The following HDAC9 variants were observed in gnomAD, a reference collection of about 807,000 sequenced individuals.
The protein encoded by HDAC9 is histone deacetylase 9.
HDAC9 carries 41 observed loss-of-function variants against 139.4 expected under a neutral mutation model. That is an observed-to-expected ratio of 0.29 (90% CI 0.23 to 0.38). The LOEUF (loss-of-function observed/expected upper bound fraction) is 0.38, where lower values mean the gene tolerates loss of function less well. Ranked by LOEUF, HDAC9 falls within the 10% of genes least tolerant of loss-of-function variation. HDAC9 has a pLI of 1.00. For synonymous variants in HDAC9, 517 were observed against 476.2 expected (o/e 1.09, Z -1.12); for missense variants, 1,147 against 1,297.0 (o/e 0.88, Z 1.78).
chr7:18,217,338 C>G (rs925968934), intron 2 of HDAC9, among the ~76,000 whole-genome samples: 2 of 151,894 alleles, frequency 1.3e-5, no homozygotes, highest in Non-Finnish European at 2.9e-5. Flanking sequence ...TTTTCCTTCT[C>G]CAAATACTTT....
intron 17 of HDAC9, among the ~76,000 whole-genome samples, chr7:18,812,878 C>T (rs1794287106): frequency 6.6e-6 from 1 of 151,752 alleles, no homozygotes; most frequent in South Asian, 2.1e-4. Context: ...TTTTTCTTGC[C>T]CTGTCTTTAA....
At chr7:18,756,768 G>T (rs936487842) in intron 14 of HDAC9, among the ~76,000 whole-genome samples, 3 of 152,144 alleles carry the variant, frequency 2.0e-5, no homozygotes. Flanking sequence ...AGAAGTCAAG[G>T]CTCCCAACTT....
intron 1 of HDAC9, among the ~76,000 whole-genome samples, chr7:18,105,056 C>G (rs1306630876): frequency 6.6e-6 from 1 of 150,884 alleles, no homozygotes; most frequent in African/African-American, 2.4e-5. Flanking sequence ...ATTTTTCTAT[C>G]TAGCCTCAAA....
At chr7:18,168,486 A>G (rs942251932) in intron 2 of HDAC9, among the ~76,000 whole-genome samples, 1 of 152,138 alleles carries the variant, frequency 6.6e-6, no homozygotes, top group African/African-American at 2.4e-5. Context: ...TGTTTATAAC[A>G]TTATGTGGAA....
chr7:18,671,237 C>G (rs940977052), intron 12 of HDAC9, among the ~76,000 whole-genome samples: 1 of 151,960 alleles, frequency 6.6e-6, no homozygotes, highest in African/African-American at 2.4e-5. Context: ...AAAATAGAGA[C>G]AGTTGTCACG....
intron 1 of HDAC9, among the ~76,000 whole-genome samples, chr7:18,431,959 C>T (rs1193665105): frequency 6.6e-6 from 1 of 152,180 alleles, no homozygotes; most frequent in Non-Finnish European, 1.5e-5. Flanking sequence ...CTTTTTACCT[C>T]TTCAAACGCA....
chr7:18,384,606 C>G (rs145861220), intron 1 of HDAC9, among the ~76,000 whole-genome samples: 23 of 152,058 alleles, frequency 1.5e-4, no homozygotes, highest in African/African-American at 5.1e-4. Flanking sequence ...TTTTAAACAT[C>G]AGTAAGTTGA....
intron 2 of HDAC9, among the ~76,000 whole-genome samples, chr7:18,217,465 AT>A (rs1792400570): frequency 6.6e-6 from 1 of 151,964 alleles, no homozygotes; most frequent in African/African-American, 2.4e-5. Context: ...TTTAAAAGGT[AT>A]TTGCATTGAA....
chr7:18,140,592 C>A (rs535655467), intron 1 of HDAC9, among the ~76,000 whole-genome samples: 8 of 152,130 alleles, frequency 5.3e-5, no homozygotes, highest in Non-Finnish European at 1.0e-4. Flanking sequence ...TGAATATTTT[C>A]TTTTTAGCTG....
chr7:18,265,478 C>G (rs1347176894), intron 2 of HDAC9, among the ~76,000 whole-genome samples: 1 of 152,088 alleles, frequency 6.6e-6, no homozygotes, highest in South Asian at 2.1e-4. Flanking sequence ...CTAGAAAACA[C>G]CAGAAATTAG....
chr7:18,619,474 A>T (rs556232042), intron 6 of HDAC9, among the ~76,000 whole-genome samples: 1 of 152,346 alleles, frequency 6.6e-6, no homozygotes, highest in Admixed American at 6.5e-5. Context: ...TCTGCTAAGC[A>T]TCAAGGGCTG....
At chr7:18,988,762 A>G (rs1012025903) in intron 25 of HDAC9, among the ~76,000 whole-genome samples, 16 of 151,644 alleles carry the variant, frequency 1.1e-4, no homozygotes, top group African/African-American at 3.2e-4. Flanking sequence ...TTGGGTGCAT[A>G]TATATTTAGG....
At chr7:18,735,137 GC>G (rs2129137510) in intron 13 of HDAC9, among the ~76,000 whole-genome samples, 1 of 152,250 alleles carries the variant, frequency 6.6e-6, no homozygotes, top group South Asian at 2.1e-4. Context: ...CTGCATAATA[GC>G]CCTTTGTCAG....
rs1332470906 is a variant in HDAC9 at position 18,290,492 on chromosome 7, AAG to A, written c.-62_-61del. 1.5e-5 allele frequency: 7 copies of A among 456,608 alleles called. 1 individual carries two copies. The highest frequency in any genetic ancestry group is 4.6e-5 in the South Asian group (3 of 64,566). 28.3% of individuals were successfully genotyped at this position (456,608 alleles called of 1,614,324 possible). A position where few individuals can be genotyped will look rare whatever the true frequency, so the allele number is the denominator to read the frequency against. On this transcript the variant is annotated 5_prime_UTR_variant, in exon 1 of 4. Coordinates refer to the HDAC9 transcript ENST00000413509. ...TGCGAAACCACAGCACACTTTGGCA[AAG>A]AGGGAATGCACAACAAAACGGGTAA...
chr7:18,670,986 C>T (rs937785991), intron 12 of HDAC9, among the ~76,000 whole-genome samples: 1 of 151,722 alleles, frequency 6.6e-6, no homozygotes, highest in Non-Finnish European at 1.5e-5. Context: ...TGACCATAGC[C>T]GGTCCTAGGA....
chr7:18,208,575 C>G (rs987789301), intron 2 of HDAC9, among the ~76,000 whole-genome samples: 5 of 152,208 alleles, frequency 3.3e-5, no homozygotes, highest in Admixed American at 1.3e-4. Flanking sequence ...TGGCTTTCGC[C>G]ATGTTGGCCA....
chr7:18,818,925 T>A (rs1794764429), intron 17 of HDAC9, among the ~76,000 whole-genome samples: 1 of 152,162 alleles, frequency 6.6e-6, no homozygotes, highest in Non-Finnish European at 1.5e-5. Flanking sequence ...TAATTTGCAC[T>A]TTCTTATTTT....
intron 4 of HDAC9, 41 bp from the exon 5 acceptor site, chr7:18,591,475 A>C: frequency 6.8e-7 from 1 of 1,472,946 alleles, no homozygotes. Context: ...CTGTGTGTGT[A>C]TGTGTGTGTG....
At chr7:18,522,614 AAAC>A in intron 2 of HDAC9, among the ~76,000 whole-genome samples, 1 of 151,990 alleles carries the variant, frequency 6.6e-6, no homozygotes, top group African/African-American at 2.4e-5. Context: ...AAAAAACAAA[AAAC>A]AAAAAAAAAA....
Sources: allele counts gnomAD v4.1 joint callset (sites outside exome capture counted in the v4.1 genomes callset), GRCh38; gene constraint gnomAD v4.1.1; transcripts MANE v1.5; gene names NCBI Gene and HGNC (gene_info 2026-07-23, HGNC 2026-07-21).